The following CCDC70 variants were observed in gnomAD, a reference collection of about 807,000 sequenced individuals.
CCDC70 encodes coiled-coil domain-containing protein 70.
A neutral mutation model predicts 9.1 loss-of-function variants in CCDC70; 4 were observed. That is an observed-to-expected ratio of 0.44 (90% CI 0.22 to 1.00). The LOEUF (loss-of-function observed/expected upper bound fraction) is 1.00. Ranked by LOEUF, CCDC70 falls within the 50% of genes least tolerant of loss-of-function variation. The probability of loss-of-function intolerance (pLI) is 0.25; values close to 1 mark genes in which losing one functional copy is unlikely to be tolerated. For missense variants in CCDC70, 308 were observed against 271.3 expected (o/e 1.14, Z -0.95); for synonymous variants, 119 against 94.0 (o/e 1.27, Z -1.54).
intron 1 of CCDC70, among the ~76,000 whole-genome samples, chr13:51,864,397 C>A (rs1401497510): frequency 1.3e-5 from 2 of 152,194 alleles, no homozygotes; most frequent in Non-Finnish European, 2.9e-5. Context: ...TTGGGACTCA[C>A]TTCCTTGCTT....
In CCDC70 at chr13:51,865,720, C is replaced by T; in HGVS notation, c.309C>T (p.Phe103=). 1.9e-6 allele frequency: 3 copies of T among 1,614,064 alleles called. No homozygotes were observed. The highest frequency in any genetic ancestry group is 2.5e-6 in the Non-Finnish European group (3 of 1,180,002). The change falls in exon 2 of 2, where the codon TTC becomes TTT. Residue 103 remains phenylalanine (F), a synonymous_variant. Coordinates refer to ENST00000242819, the MANE Select transcript of CCDC70 (RefSeq NM_031290.4). ...CCTTCTGGGAAATGGAAAAGTCTTT[C>T]AGGGAGGAAGAGAAAACTTTCTGGA... ...EKSFWEMEKS[F]REEEKTFWKK...
In CCDC70 at chr13:51,865,928, C is replaced by G. The variant is rs1273977743; in HGVS notation, c.517C>G (p.Leu173Val). Reference sequence around the variant, plus strand: ...AGCCCTGTGGGAAGATAAAACGTCCCTCTGGGAGGAAGAGAATGCCCTCTG... The same window carrying G: ...AGCCCTGTGGGAAGATAAAACGTCCGTCTGGGAGGAAGAGAATGCCCTCTG... The part of the protein sequence containing the change: ...EKALWEDKTS[L>V]WEEENALWEE... The change falls in exon 2 of 2, where the codon CTC becomes GTC. Residue 173 changes from leucine to valine, a missense_variant. By Grantham distance (32) the Leu-to-Val change is conservative (BLOSUM62 1). Coordinates refer to ENST00000242819, the MANE Select transcript of CCDC70 (RefSeq NM_031290.4). 4 of 1,613,874 alleles carry G rather than the reference C, an allele frequency of 2.5e-6. No individual in the cohort carries two copies. Among genetic ancestry groups the G allele is most frequent in the South Asian group, 1.1e-5 (1 of 91,080 alleles).
rs1956415493 is a variant in CCDC70, at chr13:51,865,589, A to C, written c.178A>C (p.Thr60Pro). 2 of 1,614,042 alleles carry C rather than the reference A, an allele frequency of 1.2e-6. No individual in the cohort carries two copies. The highest frequency in any genetic ancestry group is 1.1e-5 in the South Asian group (1 of 91,082). ...AGAGGACTTCAGGGAAGAGATGTGG[A>C]CTTTCCGAGGCAAGATCCATGCTTT... ...KIEDFREEMWTFRGKIHAFRG... is the reference protein window; with the variant it reads ...KIEDFREEMWPFRGKIHAFRG... The change falls in exon 2 of 2, where the codon ACT (threonine) becomes CCT (proline). Residue 60 changes from threonine (T) to proline (P), a missense_variant. Coordinates refer to ENST00000242819, the MANE Select transcript of CCDC70 (RefSeq NM_031290.4).
In CCDC70 at chr13:51,865,651, A is replaced by G. The variant is rs74087831; in HGVS notation, c.240A>G (p.Arg80=). 2.4e-3 allele frequency: 3,929 copies of G among 1,614,130 alleles called. 98 individuals carry two copies. In the African/African-American group the frequency reaches 0.046, roughly 19 times the overall value. ...GQILGFWEEE[R]PFWEEEKTFW... ...TCCTGGGTTTTTGGGAAGAGGAGAG[A>G]CCTTTCTGGGAAGAGGAGAAAACCT... The change falls in exon 2 of 2, where the codon AGA becomes AGG. Residue 80 remains arginine, a synonymous_variant. Transcript: ENST00000242819.
In CCDC70 at chr13:51,865,846, G is replaced by T. The variant is rs764211412; in HGVS notation, c.435G>T (p.Leu145=). 2 of 1,613,956 alleles carry T rather than the reference G, an allele frequency of 1.2e-6. No individual in the cohort carries two copies. Among genetic ancestry groups the T allele is most frequent in the Admixed American group, 1.7e-5 (1 of 59,966 alleles). The change falls in exon 2 of 2, where the codon CTG becomes CTT. Residue 145 remains leucine, a synonymous_variant. Coordinates refer to ENST00000242819, the MANE Select transcript of CCDC70 (RefSeq NM_031290.4). ...DRNLLQEDKA[L]WEEEKALWVE... The stretch of plus-strand genomic sequence containing the variant: ...ACCTTCTTCAGGAGGACAAGGCCCT[G>T]TGGGAGGAAGAAAAGGCCCTGTGGG...
chr13:51,865,862 G>A lies in CCDC70; in HGVS notation c.451G>A (p.Ala151Thr), dbSNP rs1956419311. ...CAAGGCCCTGTGGGAGGAAGAAAAG[G>A]CCCTGTGGGTAGAGGAAAGAGCCCT... is the stretch of plus-strand genomic sequence containing the variant. ...EDKALWEEEK[A>T]LWVEERALLE... The change falls in exon 2 of 2, where the codon GCC becomes ACC. Residue 151 changes from alanine to threonine, a missense_variant. Ala to Thr is a moderately conservative substitution (Grantham distance 58, BLOSUM62 0). Coordinates refer to ENST00000242819, the MANE Select transcript of CCDC70 (RefSeq NM_031290.4). 3.1e-6 allele frequency: 5 copies of A among 1,613,698 alleles called. No homozygotes were observed. Among genetic ancestry groups the A allele is most frequent in the Non-Finnish European group, 4.2e-6 (5 of 1,179,924 alleles).
At chr13:51,862,531 G>A (rs891461653) in intron 1 of CCDC70, among the ~76,000 whole-genome samples, 5 of 152,096 alleles carry the variant, frequency 3.3e-5, no homozygotes, top group South Asian at 2.1e-4. Flanking sequence ...CCCAGTAGAC[G>A]CCCATTCATC....
chr13:51,863,795 A>G (rs1464170223), intron 1 of CCDC70, among the ~76,000 whole-genome samples: 1 of 152,080 alleles, frequency 6.6e-6, no homozygotes, highest in Non-Finnish European at 1.5e-5. Flanking sequence ...AAATTTCCCC[A>G]ATAGGTCTCA....
In CCDC70 at chr13:51,863,463, G is replaced by A. The variant is rs528747085; in HGVS notation, c.-81+1234G>A. On this transcript the variant is annotated intron_variant, in intron 1 of 1. Transcript: ENST00000242819. ...CATCCTGGCCTGACCTGGCTGTCAT[G>A]GGGGAGATGGAACAGGGGCATGGTT... Among the ~76,000 whole-genome samples, 3 of 152,256 alleles carry A rather than the reference G, an allele frequency of 2.0e-5. No homozygotes were observed. The East Asian group carries it at 5.8e-4, about 29-fold the overall frequency.
rs577448358 is a variant in CCDC70 at position 51,863,082 on chromosome 13, A to C, written c.-81+853A>C. Among the ~76,000 whole-genome samples, 77 of 152,334 alleles carry C rather than the reference A, an allele frequency of 5.1e-4. 1 individual carries two copies. The highest frequency in any genetic ancestry group is 9.3e-4 in the Non-Finnish European group (63 of 68,028). On this transcript the variant is annotated intron_variant, in intron 1 of 1. Coordinates refer to ENST00000242819, the MANE Select transcript of CCDC70 (RefSeq NM_031290.4). ...GAGGGGAAAGGATGTACAGGAATTC[A>C]AGCCCACCACAGGAACAAAAGGGGC...
In CCDC70 at chr13:51,866,202, T is replaced by C. The variant is rs1956424360; in HGVS notation, c.*122T>C. On this transcript the variant is annotated 3_prime_UTR_variant, in exon 2 of 2. Transcript: ENST00000242819. ...GGTCTCCTTGCTTTGAAAGATCCAATAAAGTCCTGAGGCAAGGTTTGGAAA... is the reference window on the plus strand; with the variant it reads ...GGTCTCCTTGCTTTGAAAGATCCAACAAAGTCCTGAGGCAAGGTTTGGAAA... 1.1e-6 allele frequency: 1 copy of C among 886,002 alleles called. No individual in the cohort carries two copies. 54.9% of individuals were successfully genotyped at this position (886,002 alleles called of 1,614,324 possible).
rs1019436189 is a variant in CCDC70, at chr13:51,865,693, A to T, written c.282A>T (p.Lys94Asn). ...EEEKTFWKEE[K>N]SFWEMEKSFR... Reference sequence around the variant, plus strand: ...AGAAAACCTTCTGGAAAGAGGAAAAATCCTTCTGGGAAATGGAAAAGTCTT... The same window carrying T: ...AGAAAACCTTCTGGAAAGAGGAAAATTCCTTCTGGGAAATGGAAAAGTCTT... Residue 94 changes from lysine to asparagine, a missense_variant, in exon 2 of 2, where the codon AAA (lysine) becomes AAT (asparagine). Lys to Asn is a moderately conservative substitution (Grantham distance 94). Transcript: ENST00000242819. The T allele has an allele frequency of 6.2e-7, 1 of 1,614,026 alleles. No homozygotes were observed. The highest frequency in any genetic ancestry group is 8.5e-7 in the Non-Finnish European group (1 of 1,180,042).
chr13:51,862,683 T>C (rs1176409128), intron 1 of CCDC70, among the ~76,000 whole-genome samples: 4 of 151,780 alleles, frequency 2.6e-5, no homozygotes, highest in South Asian at 4.2e-4. Context: ...CTGGAGGAGG[T>C]ATCTGAGTGC....
intron 1 of CCDC70, among the ~76,000 whole-genome samples, chr13:51,863,708 C>CACACACACACA (rs1555276646): frequency 6.7e-4 from 95 of 141,132 alleles, no homozygotes; most frequent in Middle Eastern, 6.9e-3. Context: ...CACACACACA[C>CACACACACACA]ACCAGCTATG....
Position 51,865,607 on chromosome 13 carries a change from C to T in CCDC70, c.196C>T (p.His66Tyr). 6.2e-7 allele frequency: 1 copy of T among 1,614,072 alleles called. No homozygotes were observed. The highest frequency in any genetic ancestry group is 1.3e-5 in the African/African-American group (1 of 74,972). The change falls in exon 2 of 2, where the codon CAT (histidine) becomes TAT (tyrosine). Residue 66 changes from histidine to tyrosine, a missense_variant. Transcript: ENST00000242819. ...EEMWTFRGKI[H>Y]AFRGQILGFW... ...GATGTGGACTTTCCGAGGCAAGATC[C>T]ATGCTTTCCGGGGCCAGATCCTGGG... is the stretch of plus-strand genomic sequence containing the variant.
Position 51,866,056 on chromosome 13 carries a change from GGCCTTCT to G in CCDC70, c.646_652del (p.Ala216ProfsTer43). On this transcript the variant is annotated frameshift_variant, in exon 2 of 2. Transcript: ENST00000242819. LOFTEE classifies it high-confidence loss of function. ...ACGCCAACAGAGGGCAGCGCTTGCT[GGCCTTCT>G]CCCGAGGCAGGGCGTAGCCAGCATG... 2 of 1,588,980 alleles carry G rather than the reference GGCCTTCT, an allele frequency of 1.3e-6. No individual in the cohort carries two copies. The highest frequency in any genetic ancestry group is 1.7e-6 in the Non-Finnish European group (2 of 1,169,574).
Position 51,865,570 on chromosome 13 carries a change from C to A in CCDC70, c.159C>A (p.Asp53Glu). 1 of 1,614,202 alleles carries A rather than the reference C, an allele frequency of 6.2e-7. No homozygotes were observed. The highest frequency in any genetic ancestry group is 1.1e-5 in the South Asian group (1 of 91,086). ...AAATTTTTCGTGAAAAAATAGAGGA[C>A]TTCAGGGAAGAGATGTGGACTTTCC... is the stretch of plus-strand genomic sequence containing the variant. ...EMKIFREKIE[D>E]FREEMWTFRG... Residue 53 changes from aspartate (D) to glutamate (E), a missense_variant, in exon 2 of 2, where the codon GAC becomes GAA. Asp to Glu is a conservative substitution (Grantham distance 45). Transcript: ENST00000242819.
Position 51,865,999 on chromosome 13 carries a change from C to G in CCDC70, c.588C>G (p.Ala196=). The G allele has an allele frequency of 3.1e-6, 5 of 1,613,182 alleles. No homozygotes were observed. Among genetic ancestry groups the G allele is most frequent in the South Asian group, 1.1e-5 (1 of 90,992 alleles). Residue 196 remains alanine (A), a synonymous_variant, in exon 2 of 2, where the codon GCC becomes GCG. Coordinates refer to ENST00000242819, the MANE Select transcript of CCDC70 (RefSeq NM_031290.4). Reference sequence around the variant, plus strand: ...GGATGGAGAACAATGGCCACATTGCCGGAGAGCAGATGCTCGAAGATGGGC... The same window carrying G: ...GGATGGAGAACAATGGCCACATTGCGGGAGAGCAGATGCTCGAAGATGGGC... ...AFWMENNGHI[A]GEQMLEDGPH...
chr13:51,863,083 A>G, intron 1 of CCDC70, among the ~76,000 whole-genome samples: 1 of 152,236 alleles, frequency 6.6e-6, no homozygotes, highest in East Asian at 1.9e-4. Context: ...CAGGAATTCA[A>G]GCCCACCACA....
Sources: allele counts gnomAD v4.1 joint callset (sites outside exome capture counted in the v4.1 genomes callset), GRCh38; gene constraint gnomAD v4.1.1; transcripts MANE v1.5; gene names NCBI Gene and HGNC (gene_info 2026-07-23, HGNC 2026-07-21).